The following SEMA6D variants were observed in gnomAD, a reference collection of about 807,000 sequenced individuals.
SEMA6D encodes the protein semaphorin 6D.
Under a neutral mutation model 106.6 loss-of-function variants are expected in SEMA6D, and 35 were observed. The observed-to-expected ratio is 0.33, with a 90% confidence interval of 0.25 to 0.44. The LOEUF is 0.44. Ranked by LOEUF, SEMA6D falls within the 20% of genes least tolerant of loss-of-function variation. The probability of loss-of-function intolerance (pLI) is 1.00; values close to 1 mark genes in which losing one functional copy is unlikely to be tolerated. For missense variants in SEMA6D, 1,185 were observed against 1,345.9 expected (o/e 0.88, Z 1.87); for synonymous variants, 499 against 487.7 (o/e 1.02, Z -0.31).
intron 3 of SEMA6D, among the ~76,000 whole-genome samples, chr15:47,550,691 T>A (rs2045659006): frequency 6.6e-6 from 1 of 152,152 alleles, no homozygotes; most frequent in Non-Finnish European, 1.5e-5. Flanking sequence ...TCACCAACTG[T>A]CATAGCAGTT....
At chr15:47,475,209 A>G (rs1180046956) in intron 3 of SEMA6D, among the ~76,000 whole-genome samples, 1 of 152,210 alleles carries the variant, frequency 6.6e-6, no homozygotes, top group African/African-American at 2.4e-5. Flanking sequence ...AGCCTAAATC[A>G]TAATCATACC....
At chr15:47,718,533 C>G (rs1268324397) in intron 1 of SEMA6D, 1 of 150,742 alleles carries the variant, frequency 6.6e-6, no homozygotes, top group Non-Finnish European at 1.5e-5. Flanking sequence ...GCAGAGCGCG[C>G]TGCGGGCGGA....
At chr15:47,277,853 A>T (rs902638964) in intron 1 of SEMA6D, among the ~76,000 whole-genome samples, 7 of 148,538 alleles carry the variant, frequency 4.7e-5, no homozygotes, top group Admixed American at 1.4e-4. Flanking sequence ...ATGAGTGAGA[A>T]TATGAGGTGT....
At chr15:47,332,011 A>C (rs2037361998) in intron 1 of SEMA6D, among the ~76,000 whole-genome samples, 1 of 152,154 alleles carries the variant, frequency 6.6e-6, no homozygotes, top group Non-Finnish European at 1.5e-5. Flanking sequence ...AGTTTGGCAC[A>C]AAACTCACCT....
At chr15:47,306,860 A>C (rs148245163) in intron 1 of SEMA6D, among the ~76,000 whole-genome samples, 2 of 152,212 alleles carry the variant, frequency 1.3e-5, no homozygotes, top group African/African-American at 2.4e-5. Context: ...AAGATATGCA[A>C]CTCTTCAACT....
intron 2 of SEMA6D, among the ~76,000 whole-genome samples, chr15:47,427,147 A>G (rs1486904501): frequency 6.6e-6 from 1 of 152,172 alleles, no homozygotes; most frequent in Non-Finnish European, 1.5e-5. Context: ...TGACATTGCA[A>G]GTATCCATAA....
At position 47,219,080 on chromosome 15, in the gene SEMA6D, G is replaced by C. The variant is rs550781647; in HGVS notation, c.-239+34662G>C. Among the ~76,000 whole-genome samples, 6 of 152,298 alleles carry C rather than the reference G, an allele frequency of 3.9e-5. No individual in the cohort carries two copies. The East Asian group carries it at 1.2e-3, about 29-fold the overall frequency. On this transcript the variant is annotated intron_variant, in intron 1 of 19. Transcript: ENST00000558014. The stretch of plus-strand genomic sequence containing the variant: ...AATCCATTTATGGTCCTCCTATATA[G>C]CTTTAAACTTGCTACTTGAAGAAGT...
At chr15:47,470,328 G>A (rs953801278) in intron 2 of SEMA6D, 2 of 151,984 alleles carry the variant, frequency 1.3e-5, no homozygotes, top group Non-Finnish European at 1.5e-5. Context: ...TTTGATTGAA[G>A]GCCTAGAATT....
chr15:47,365,890 G>GAGGAGAGAGAGA (rs1346586280), intron 1 of SEMA6D, among the ~76,000 whole-genome samples: 1 of 119,812 alleles, frequency 8.3e-6, no homozygotes, highest in African/African-American at 3.7e-5. Context: ...GAGAGAGAGA[G>GAGGAGAGAGAGA]GAGAGAGAGA....
intron 4 of SEMA6D, among the ~76,000 whole-genome samples, chr15:47,662,508 AAATTTTTGTGCATCTTTCTTAG>A (rs2077943713): frequency 6.6e-6 from 1 of 152,174 alleles, no homozygotes; most frequent in African/African-American, 2.4e-5. Context: ...ATTAGTTCAC[AAATTTTTGTGCATCTTTCTTAG>A]AATTTATATT....
intron 3 of SEMA6D, among the ~76,000 whole-genome samples, chr15:47,585,723 C>T (rs2076326852): frequency 1.3e-5 from 2 of 152,116 alleles, no homozygotes; most frequent in Non-Finnish European, 2.9e-5. Flanking sequence ...ATTGATCCAT[C>T]ATTTACTATG....
At chr15:47,688,709 A>C (rs1158070230) in intron 4 of SEMA6D, among the ~76,000 whole-genome samples, 1 of 152,174 alleles carries the variant, frequency 6.6e-6, no homozygotes, top group Non-Finnish European at 1.5e-5. Flanking sequence ...TCAAGTTTTG[A>C]GTCTACCGTT....
chr15:47,438,737 G>T (rs2041796869), intron 2 of SEMA6D, among the ~76,000 whole-genome samples: 1 of 151,526 alleles, frequency 6.6e-6, no homozygotes, highest in Admixed American at 6.6e-5. Context: ...CCTTCCCTGG[G>T]TATGCTTATT....
chr15:47,713,884 G>T (rs530857890), upstream of SEMA6D, among the ~76,000 whole-genome samples: 29 of 152,168 alleles, frequency 1.9e-4, no homozygotes, highest in Non-Finnish European at 3.8e-4. Flanking sequence ...TTAATGTGAG[G>T]TTGGATTAAG....
At chr15:47,394,451 C>A (rs962270219) in intron 1 of SEMA6D, among the ~76,000 whole-genome samples, 1 of 152,092 alleles carries the variant, frequency 6.6e-6, no homozygotes, top group South Asian at 2.1e-4. Context: ...GGATTCGTAT[C>A]AAAAGAGAGT....
At chr15:47,717,062 G>A (rs1190670257), upstream of SEMA6D, 1 of 152,274 alleles carries the variant, frequency 6.6e-6, no homozygotes, top group African/African-American at 2.4e-5. Context: ...TTGTCCTCTG[G>A]GTTCTGGAGG....
chr15:47,305,413 T>C (rs1334912136), intron 1 of SEMA6D, among the ~76,000 whole-genome samples: 1 of 152,210 alleles, frequency 6.6e-6, no homozygotes, highest in African/African-American at 2.4e-5. Context: ...CCAAAGCTCC[T>C]TTGTGAAAAA....
At chr15:47,631,456 G>A (rs111982363) in intron 4 of SEMA6D, among the ~76,000 whole-genome samples, 2,195 of 147,492 alleles carry the variant, frequency 0.015, 55 homozygotes, top group African/African-American at 0.052. Context: ...TTATACACAC[G>A]AAAAAAAAAT....
chr15:47,756,426 C>T (rs1416160888), intron 1 of SEMA6D, among the ~76,000 whole-genome samples: 1 of 152,042 alleles, frequency 6.6e-6, no homozygotes, highest in Non-Finnish European at 1.5e-5. Context: ...TACTGCGGAG[C>T]AGGCTCTGTG....
Sources: gnomAD v4.1 joint callset for allele counts (sites outside exome capture counted in the v4.1 genomes callset) on GRCh38, gnomAD v4.1.1 for gene constraint, MANE v1.5 for transcripts, NCBI Gene and HGNC (gene_info 2026-07-23, HGNC 2026-07-21) for gene names.